The following NCOR1 variants were observed in gnomAD, a reference collection of about 807,000 sequenced individuals.
NCOR1 encodes nuclear receptor corepressor 1, also known as protein phosphatase 1, regulatory subunit 109.
Under a neutral mutation model 288.1 loss-of-function variants are expected in NCOR1, and 63 were observed. The observed-to-expected ratio is 0.22, with a 90% CI of 0.18 to 0.27. The LOEUF is 0.27. NCOR1 is among the 10% of genes least tolerant of loss of function. NCOR1 has a pLI of 1.00. For missense variants in NCOR1, 2,397 were observed against 3,019.2 expected (o/e 0.79, Z 4.83); for synonymous variants, 1,007 against 1,065.9 (o/e 0.94, Z 1.08).
At chr17:16,044,371 A>C in intron 42 of NCOR1, 1 of 470,962 alleles carries the variant, frequency 2.1e-6, no homozygotes, top group Non-Finnish European at 4.4e-6. Context: ...TAATCACAAG[A>C]GTGACACAGA....
chr17:16,183,328 T>A (rs1222319166), intron 3 of NCOR1, among the ~76,000 whole-genome samples: 1 of 146,338 alleles, frequency 6.8e-6, no homozygotes, highest in African/African-American at 2.5e-5. Flanking sequence ...GATGACACAA[T>A]CCTATGTATA....
chr17:16,060,552 T>A (rs1035429513), intron 37 of NCOR1, among the ~76,000 whole-genome samples: 16 of 152,154 alleles, frequency 1.1e-4, no homozygotes, highest in African/African-American at 3.9e-4. Context: ...ACACTAACTC[T>A]CTCTCTAAAA....
At position 16,089,967 on chromosome 17, in the gene NCOR1, G is replaced by A. The variant is rs76117578; in HGVS notation, c.3016+1896C>T. On this transcript the variant is annotated intron_variant, in intron 22 of 45. Transcript: ENST00000268712. ...TCGACCAAACTGTAAAATTCTTAAT[G>A]TCATACTAATCAAAAGTATAATTAC... Among the ~76,000 whole-genome samples, 442 of 152,180 alleles carry A rather than the reference G, an allele frequency of 2.9e-3. 20 individuals carry two copies. In the East Asian group the frequency reaches 0.051, roughly 17 times the overall value.
chr17:16,108,948 C>T, intron 18 of NCOR1, 36 bp from the exon 19 acceptor site: 6 of 1,488,688 alleles, frequency 4.0e-6, no homozygotes, highest in Non-Finnish European at 5.4e-6. Flanking sequence ...ATTTAAATAA[C>T]TAAAAAGAAA....
At chr17:16,135,438 T>C (rs951898049) in intron 14 of NCOR1, among the ~76,000 whole-genome samples, 9 of 152,164 alleles carry the variant, frequency 5.9e-5, no homozygotes, top group Non-Finnish European at 1.3e-4. Context: ...TGTACAAGTA[T>C]GCCCTTTATC....
chr17:16,111,153 A>C (rs2070055317), intron 18 of NCOR1, among the ~76,000 whole-genome samples: 1 of 152,088 alleles, frequency 6.6e-6, no homozygotes, highest in Non-Finnish European at 1.5e-5. Context: ...TGGTCCTTTC[A>C]CTAGTAACTA....
chr17:16,153,908 A>T (rs1346356857), intron 6 of NCOR1, among the ~76,000 whole-genome samples: 1 of 152,148 alleles, frequency 6.6e-6, no homozygotes, highest in East Asian at 1.9e-4. Flanking sequence ...AGTTACAAGG[A>T]ATCCTTAGTA....
intron 3 of NCOR1, among the ~76,000 whole-genome samples, chr17:16,177,276 T>C (rs1239597178): frequency 6.6e-6 from 1 of 152,098 alleles, no homozygotes; most frequent in Non-Finnish European, 1.5e-5. Flanking sequence ...AGAAGAAATA[T>C]AGAAATATAG....
Position 16,101,387 on chromosome 17 carries a change from C to G in NCOR1, c.2553G>C (p.Glu851Asp), listed in dbSNP as rs779836373. Residue 851 changes from glutamate (E) to aspartate (D), a missense_variant, in exon 20 of 46, where the codon GAG (glutamate) becomes GAC (aspartate). By Grantham distance (45) the Glu-to-Asp change is conservative. Coordinates refer to ENST00000268712, the MANE Select transcript of NCOR1 (RefSeq NM_006311.4). ...AATCTTCATCTCTAGGTTCCACCTT[C>G]TCACTGGCTCTATCCAAGTCTCTTT... ...TKERDLDRAS[E>D]KVEPRDEDLV... 6.2e-7 allele frequency: 1 copy of G among 1,614,262 alleles called. No individual in the cohort carries two copies.
intron 1 of NCOR1, among the ~76,000 whole-genome samples, chr17:16,207,814 T>C (rs2091701765): frequency 6.6e-6 from 1 of 151,578 alleles, no homozygotes; most frequent in African/African-American, 2.4e-5. Flanking sequence ...ATCAGCTTAT[T>C]TGTGTATAAC....
intron 7 of NCOR1, 136 bp downstream of exon 7, chr17:16,153,200 ACTT>A: frequency 1.7e-6 from 1 of 577,562 alleles, no homozygotes; most frequent in Non-Finnish European, 3.0e-6. Context: ...ATTACTTTAA[ACTT>A]CATCTCAAGC....
At chr17:16,072,546 A>G (rs1182267671) in intron 28 of NCOR1, among the ~76,000 whole-genome samples, 1 of 152,252 alleles carries the variant, frequency 6.6e-6, no homozygotes, top group Non-Finnish European at 1.5e-5. Context: ...ACCATTGCTT[A>G]GCTTTGAAAT....
At chr17:16,074,702 A>G (rs146349131) in intron 27 of NCOR1, among the ~76,000 whole-genome samples, 2,726 of 152,246 alleles carry the variant, frequency 0.018, 84 homozygotes, top group African/African-American at 0.062. Context: ...TTCACTCAAA[A>G]CTTTGGCTAA....
At position 16,075,595 on chromosome 17, in the gene NCOR1, T is replaced by C. The variant is rs753575002; in HGVS notation, c.3609A>G (p.Glu1203=). ...AAATAACATGGCCTTTGGATGCAGC[T>C]TCCTCTCTGCCTTTCTCAGGACTGC... ...EDSSPEKGRE[E]AASKGHVIYE... is the part of the protein sequence containing the mutation. Residue 1203 remains glutamate, a synonymous_variant, in exon 27 of 46, where the codon GAA becomes GAG. Transcript: ENST00000268712. 6.2e-7 allele frequency: 1 copy of C among 1,614,234 alleles called. No homozygotes were observed. The highest frequency in any genetic ancestry group is 8.5e-7 in the Non-Finnish European group (1 of 1,180,044).
intron 3 of NCOR1, among the ~76,000 whole-genome samples, chr17:16,173,462 ATTTTTAT>A (rs929832266): frequency 4.6e-5 from 7 of 152,230 alleles, no homozygotes; most frequent in Non-Finnish European, 8.8e-5. Context: ...AGAAATAAGC[ATTTTTAT>A]TCAAGACAAC....
At chr17:16,129,843 C>T (rs865783496) in intron 14 of NCOR1, among the ~76,000 whole-genome samples, 10 of 152,198 alleles carry the variant, frequency 6.6e-5, no homozygotes, top group African/African-American at 2.2e-4. Flanking sequence ...GTAACACATG[C>T]TAATCTTATT....
In NCOR1 at chr17:16,126,217, G is replaced by A; in HGVS notation, c.1510-11C>T. 1 of 1,504,870 alleles carries A rather than the reference G, an allele frequency of 6.6e-7. No homozygotes were observed. Among genetic ancestry groups the A allele is most frequent in the Non-Finnish European group, 8.8e-7 (1 of 1,132,246 alleles). 93.2% of individuals were successfully genotyped at this position (1,504,870 alleles called of 1,614,324 possible). A position where few individuals can be genotyped will look rare whatever the true frequency, so the allele number is the denominator to read the frequency against. On this transcript the variant is annotated splice_polypyrimidine_tract_variant and intron_variant, in intron 14 of 45. Transcript: ENST00000268712. ...GGGTCGAGCAATTTGCTGCTAGAAT[G>A]AACCATCATTTGTAAAATTCAAAGG...
rs1353152506 is a variant in NCOR1 at position 16,101,426 on chromosome 17, A to C, written c.2514T>G (p.Gly838=). Residue 838 remains glycine (G), a synonymous_variant, in exon 20 of 46, where the codon GGT becomes GGG. Transcript: ENST00000268712. ...CCAAGTCTCTTTCTTTGGTATTATC[A>C]CCTTCAACTTTAGATGCATGGTTTT... is the stretch of plus-strand genomic sequence containing the variant. ...VPENHASKVE[G]DNTKERDLDR... 6.2e-7 allele frequency: 1 copy of C among 1,613,968 alleles called. No homozygotes were observed. The highest frequency in any genetic ancestry group is 1.3e-5 in the African/African-American group (1 of 74,870).
chr17:16,146,634 T>G, intron 9 of NCOR1, 86 bp from the exon 10 acceptor site: 1 of 1,216,646 alleles, frequency 8.2e-7, no homozygotes, highest in Non-Finnish European at 1.1e-6. Flanking sequence ...ATGCTACTTC[T>G]TAAGGTTAAG....
Sources: gnomAD v4.1 joint callset for allele counts (sites outside exome capture counted in the v4.1 genomes callset) on GRCh38, gnomAD v4.1.1 for gene constraint, MANE v1.5 for transcripts, NCBI Gene and HGNC (gene_info 2026-07-23, HGNC 2026-07-21) for gene names.